Variants in SMARCAL1 observed in about 807,000 individuals in gnomAD.
SMARCAL1 encodes SNF2 related chromatin remodeling annealing helicase 1.
In SMARCAL1, 58 loss-of-function variants were observed where a neutral mutation model predicts 94.5. The ratio of observed to expected loss-of-function variants is 0.61; its 90% CI spans 0.50 to 0.76. The LOEUF (loss-of-function observed/expected upper bound fraction) is 0.76. Ranked by LOEUF, SMARCAL1 falls within the 30% of genes least tolerant of loss-of-function variation. The probability of loss-of-function intolerance (pLI) is 0.00; values close to 1 mark genes in which losing one functional copy is unlikely to be tolerated. For missense variants in SMARCAL1, 1,051 were observed against 1,177.9 expected (o/e 0.89, Z 1.58); for synonymous variants, 422 against 455.1 (o/e 0.93, Z 0.93).
chr2:216,482,997 A>G lies in SMARCAL1; in HGVS notation c.*20A>G. ...CTGTAAAAGGGGCAAAAAGAAAAAA[A>G]TAAAAAGCATTTTAAAATCATGGAA... On this transcript the variant is annotated 3_prime_UTR_variant, in exon 18 of 18. Coordinates refer to ENST00000357276, the MANE Select transcript of SMARCAL1 (RefSeq NM_014140.4). This position sits in a 1 kb window ranked among gnomAD's most constrained non-coding sequence, Gnocchi z 4.3. The G allele has an allele frequency of 6.2e-7, 1 of 1,610,504 alleles. No homozygotes were observed. The highest frequency in any genetic ancestry group is 8.5e-7 in the Non-Finnish European group (1 of 1,179,132).
At position 216,419,474 on chromosome 2, in the gene SMARCAL1, T is replaced by A. The variant is rs553993515; in HGVS notation, c.863-825T>A. ...CTTAGTGTTACACAGCTGAATTTGT[T>A]CATTATAAAATGCATCTGTAGTAGA... On this transcript the variant is annotated intron_variant, in intron 4 of 17. Transcript: ENST00000357276. Among the ~76,000 whole-genome samples the A allele has an allele frequency of 1.8e-3, 273 of 152,294 alleles. 1 individual carries two copies. The highest frequency in any genetic ancestry group is 6.2e-3 in the African/African-American group (257 of 41,552).
At chr2:216,472,831 G>A (rs1009670516) in intron 14 of SMARCAL1, among the ~76,000 whole-genome samples, 15 of 152,098 alleles carry the variant, frequency 9.9e-5, no homozygotes, top group Middle Eastern at 3.4e-3. Flanking sequence ...AAAAATGTGC[G>A]GTGCTCACTG....
At chr2:216,446,780 T>C (rs1694324831) in intron 10 of SMARCAL1, 1 of 652,598 alleles carries the variant, frequency 1.5e-6, no homozygotes, top group East Asian at 3.0e-5. Flanking sequence ...GACAGAAAAG[T>C]TATAATTCAA....
chr2:216,475,467 G>T lies in SMARCAL1; in HGVS notation c.2427+16G>T. ...GAACCCAGGGGTAAGAGACGCAGAA[G>T]ACTCAGATACTCCCCAGGCATGCTC... On this transcript the variant is annotated intron_variant, in intron 15 of 17. Transcript: ENST00000357276. This position sits in a 1 kb window ranked among gnomAD's most constrained non-coding sequence, Gnocchi z 4.4. The T allele has an allele frequency of 6.2e-7, 1 of 1,613,802 alleles. No homozygotes were observed. Among genetic ancestry groups the T allele is most frequent in the Non-Finnish European group, 8.5e-7 (1 of 1,179,678 alleles).
chr2:216,433,609 A>G (rs1337080137), intron 8 of SMARCAL1, among the ~76,000 whole-genome samples: 4 of 152,122 alleles, frequency 2.6e-5, no homozygotes. Context: ...AGTGAGTGGG[A>G]TGTTCACTGT....
rs1245500584 is a variant in SMARCAL1 at position 216,416,295 on chromosome 2, T to A, written c.850T>A (p.Tyr284Asn). Residue 284 changes from tyrosine to asparagine, a missense_variant, in exon 4 of 18, where the codon TAT (tyrosine) becomes AAT (asparagine). Tyr to Asn is a moderately radical substitution (Grantham distance 143). Transcript: ENST00000357276. The stretch of plus-strand genomic sequence containing the variant: ...GACGTGGAACTTCAGCATGAATGAC[T>A]ATAGTGCCCTGAGTAAGTAGACACA... Reference protein sequence around the residue: ...TKTWNFSMNDYSALMKAAQSL... With the variant: ...TKTWNFSMNDNSALMKAAQSL... The A allele has an allele frequency of 1.9e-6, 3 of 1,613,486 alleles. No individual in the cohort carries two copies. Among genetic ancestry groups the A allele is most frequent in the Non-Finnish European group, 8.5e-7 (1 of 1,179,460 alleles).
At chr2:216,468,087 T>C in intron 14 of SMARCAL1, 41 bp downstream of exon 14, 1 of 1,394,034 alleles carries the variant, frequency 7.2e-7, no homozygotes, top group Non-Finnish European at 1.0e-6. Context: ...ACTTTTGCCA[T>C]GTCCCAAGTT....
chr2:216,476,462 G>A (rs1695082137), intron 15 of SMARCAL1, among the ~76,000 whole-genome samples: 1 of 152,036 alleles, frequency 6.6e-6, no homozygotes. Flanking sequence ...GACTACAGGT[G>A]CACGCCTCCA....
intron 9 of SMARCAL1, among the ~76,000 whole-genome samples, chr2:216,435,717 G>C (rs1279544267): frequency 6.6e-6 from 1 of 151,940 alleles, no homozygotes; most frequent in African/African-American, 2.4e-5. Context: ...AGCTTTTTTT[G>C]AAATTGTGAT....
rs113552703 is a variant in SMARCAL1, at chr2:216,452,381, C to T, written c.2070+1317C>T. Among the ~76,000 whole-genome samples, 440 of 152,186 alleles carry T rather than the reference C, an allele frequency of 2.9e-3. 6 individuals are homozygous for T. Among genetic ancestry groups the T allele is most frequent in the East Asian group, 0.025 (132 of 5,188 alleles). ...AATAACTTTCGTCTACTGGTGAACTCTACCAGACAAGAAAACCAGTGAACT... is the reference window on the plus strand; with the variant it reads ...AATAACTTTCGTCTACTGGTGAACTTTACCAGACAAGAAAACCAGTGAACT... On this transcript the variant is annotated intron_variant, in intron 12 of 17. Coordinates refer to ENST00000357276, the MANE Select transcript of SMARCAL1 (RefSeq NM_014140.4).
At chr2:216,478,801 T>A (rs989634409) in intron 17 of SMARCAL1, among the ~76,000 whole-genome samples, 1 of 152,238 alleles carries the variant, frequency 6.6e-6, no homozygotes, top group African/African-American at 2.4e-5. Flanking sequence ...TCACAGGGCA[T>A]GTGAAGCCAG....
At chr2:216,468,472 T>G (rs1404887562) in intron 14 of SMARCAL1, among the ~76,000 whole-genome samples, 3 of 152,208 alleles carry the variant, frequency 2.0e-5, no homozygotes, top group Non-Finnish European at 4.4e-5. Context: ...TGTGCAGACA[T>G]TAGTAGAGAG....
chr2:216,481,458 A>G (rs1695197483), intron 17 of SMARCAL1, among the ~76,000 whole-genome samples: 1 of 150,880 alleles, frequency 6.6e-6, no homozygotes, highest in Admixed American at 6.6e-5. Context: ...GGCCTCCCAA[A>G]GTGCTGGGAT....
chr2:216,415,601 A>G, intron 3 of SMARCAL1, 86 bp downstream of exon 3: 1 of 1,257,458 alleles, frequency 8.0e-7, no homozygotes, highest in Admixed American at 1.9e-5. Flanking sequence ...ATAAATATTA[A>G]GAGAGTGCAT....
In SMARCAL1 at chr2:216,420,305, C is replaced by T. The variant is rs1693689578; in HGVS notation, c.869C>T (p.Ala290Val). ...SMNDYSALMK[A>V]AQSLPTVNLQ... The stretch of plus-strand genomic sequence containing the variant: ...GATTCTTCTTCTTTGGCAGTGAAAG[C>T]AGCCCAGAGCCTCCCCACGGTCAAC... The change falls in exon 5 of 18, where the codon GCA becomes GTA. Residue 290 changes from alanine (A) to valine (V), a missense_variant. This residue lies in a region of SMARCAL1 where 398 missense variants were observed against 395.2 expected (regional missense o/e 1.01). Transcript: ENST00000357276. The T allele has an allele frequency of 6.2e-7, 1 of 1,613,602 alleles. No homozygotes were observed. Among genetic ancestry groups the T allele is most frequent in the African/African-American group, 1.3e-5 (1 of 74,876 alleles).
chr2:216,460,925 G>T (rs1694683332), intron 12 of SMARCAL1, among the ~76,000 whole-genome samples: 1 of 151,974 alleles, frequency 6.6e-6, no homozygotes, highest in Non-Finnish European at 1.5e-5. Flanking sequence ...GTCAACTGGG[G>T]GAATTTTGAA....
rs947736020 is a variant in SMARCAL1, at chr2:216,471,901, A to C, written c.2245-3368A>C. ...TATAGTCCATTCAGCCATAAAATAT[A>C]ATGTTGATCAGTGGTTCCTAACTTT... is the stretch of plus-strand genomic sequence containing the variant. On this transcript the variant is annotated intron_variant, in intron 14 of 17. Transcript: ENST00000357276. 3.9e-5 allele frequency among the ~76,000 whole-genome samples: 6 copies of C among 152,282 alleles called. No individual in the cohort carries two copies. The South Asian group carries it at 1.2e-3, about 32-fold the overall frequency.
intron 2 of SMARCAL1, 185 bp from the exon 3 acceptor site, chr2:216,414,462 G>T: frequency 3.9e-6 from 2 of 507,032 alleles, no homozygotes; most frequent in South Asian, 4.2e-5. Flanking sequence ...TTTTGATCAG[G>T]GTCTTTATTT....
rs750552430 is a variant in SMARCAL1 at position 216,475,430 on chromosome 2, T to G, written c.2406T>G (p.Ala802=). Residue 802 remains alanine (A), a synonymous_variant, in exon 15 of 18, where the codon GCT becomes GCG. Coordinates refer to ENST00000357276, the MANE Select transcript of SMARCAL1 (RefSeq NM_014140.4). This position sits in a 1 kb window ranked among gnomAD's most constrained non-coding sequence, Gnocchi z 4.4. The part of the protein sequence containing the change: ...TFSSADLVVF[A]ELFWNPGVLI... ...CCTCGGCTGACCTGGTGGTGTTTGC[T>G]GAGCTGTTTTGGAACCCAGGGGTAA... 4 of 1,614,172 alleles carry G rather than the reference T, an allele frequency of 2.5e-6. No homozygotes were observed. The highest frequency in any genetic ancestry group is 3.4e-6 in the Non-Finnish European group (4 of 1,180,028).
Sources: gnomAD v4.1 joint callset for allele counts (sites outside exome capture counted in the v4.1 genomes callset) on GRCh38, gnomAD v4.1.1 for gene constraint, gnomAD v4.1.1 regional missense constraint, Gnocchi (gnomAD v3.1) non-coding constraint, MANE v1.5 for transcripts, NCBI Gene and HGNC (gene_info 2026-07-23, HGNC 2026-07-21) for gene names.